Variants in MAGI2 observed in about 807,000 individuals in gnomAD.
MAGI2 encodes membrane-associated guanylate kinase, WW and PDZ domain-containing protein 2.
A neutral mutation model predicts 133.3 loss-of-function variants in MAGI2; 35 were observed. That is an observed-to-expected ratio of 0.26 (90% confidence interval 0.20 to 0.35). The LOEUF (loss-of-function observed/expected upper bound fraction) is 0.35. Ranked by LOEUF, MAGI2 falls within the 10% of genes least tolerant of loss-of-function variation. The pLI is 1.00. For missense variants in MAGI2, 1,636 were observed against 1,863.4 expected, an observed-to-expected ratio of 0.88 and a Z score of 2.25; for synonymous variants, 729 against 710.6, an observed-to-expected ratio of 1.03 and a Z score of -0.41.
intron 2 of MAGI2, among the ~76,000 whole-genome samples, chr7:78,698,373 G>C (rs1033907215): frequency 6.6e-6 from 1 of 152,098 alleles, no homozygotes. Context: ...TACAACAAAG[G>C]TCCACAACAC....
At chr7:78,283,943 G>A (rs1347249597) in intron 9 of MAGI2, among the ~76,000 whole-genome samples, 1 of 152,050 alleles carries the variant, frequency 6.6e-6, no homozygotes, top group African/African-American at 2.4e-5. Context: ...TACCTTTTCT[G>A]CATGTTAAAA....
chr7:78,685,250 C>T (rs997198819), intron 2 of MAGI2, among the ~76,000 whole-genome samples: 2 of 152,106 alleles, frequency 1.3e-5, no homozygotes, highest in African/African-American at 4.8e-5. Context: ...AGGCTGTCAC[C>T]CCAAGAGCTG....
chr7:79,449,358 T>TA (rs977528723), intron 1 of MAGI2, among the ~76,000 whole-genome samples: 232 of 151,812 alleles, frequency 1.5e-3, no homozygotes, highest in African/African-American at 5.3e-3. Context: ...TTAGAATTTT[T>TA]TTTTTTTTTT....
intron 15 of MAGI2, among the ~76,000 whole-genome samples, chr7:78,160,770 A>T (rs1824896034): frequency 6.6e-6 from 1 of 152,248 alleles, no homozygotes; most frequent in South Asian, 2.1e-4. Flanking sequence ...TTTCAAGGCT[A>T]CACTTCGAGA....
intron 2 of MAGI2, among the ~76,000 whole-genome samples, chr7:78,795,766 C>A (rs1787551398): frequency 6.6e-6 from 1 of 152,128 alleles, no homozygotes; most frequent in East Asian, 1.9e-4. Flanking sequence ...ATAACCAAAG[C>A]GGCATGGTAC....
intron 1 of MAGI2, among the ~76,000 whole-genome samples, chr7:79,289,998 A>G (rs1836338243): frequency 6.6e-6 from 1 of 152,026 alleles, no homozygotes; most frequent in Admixed American, 6.6e-5. Flanking sequence ...AAAGTGATCT[A>G]TTCTTCTCTA....
chr7:78,414,953 A>G (rs1234073163), intron 6 of MAGI2, among the ~76,000 whole-genome samples: 1 of 152,124 alleles, frequency 6.6e-6, no homozygotes, highest in African/African-American at 2.4e-5. Context: ...CAGTGATTCT[A>G]TTATCTAAAA....
At chr7:79,123,062 A>C (rs1022182334) in intron 1 of MAGI2, among the ~76,000 whole-genome samples, 1 of 152,156 alleles carries the variant, frequency 6.6e-6, no homozygotes, top group Non-Finnish European at 1.5e-5. Flanking sequence ...ACAACCACCA[A>C]CCAAACAAAA....
At chr7:79,018,436 C>T (rs2191728) in intron 1 of MAGI2, among the ~76,000 whole-genome samples, 89,129 of 151,972 alleles carry the variant, frequency 0.59, 26,479 homozygotes, top group East Asian at 0.63. Flanking sequence ...CCAACCACTA[C>T]AAAAGCACAT....
At chr7:79,151,536 C>T (rs938353717) in intron 1 of MAGI2, among the ~76,000 whole-genome samples, 5 of 152,140 alleles carry the variant, frequency 3.3e-5, no homozygotes, top group Non-Finnish European at 5.9e-5. Flanking sequence ...GAACTACTAT[C>T]ATTAAAATTA....
intron 1 of MAGI2, among the ~76,000 whole-genome samples, chr7:79,353,159 T>C (rs1343702531): frequency 1.3e-5 from 2 of 152,062 alleles, no homozygotes. Context: ...GCAACAAACA[T>C]AGTGGTCCTG....
rs145853359 is a variant in MAGI2 at position 78,311,084 on chromosome 7, A to G, written c.1408+32694T>C. 1.2e-4 allele frequency among the ~76,000 whole-genome samples: 18 copies of G among 152,336 alleles called. No homozygotes were observed. In the East Asian group the frequency reaches 2.9e-3, roughly 24 times the overall value. On this transcript the variant is annotated intron_variant, in intron 9 of 21. Coordinates refer to ENST00000354212, the MANE Select transcript of MAGI2 (RefSeq NM_012301.4). ...GATTTTTACCTCAACTAGTATATCAAATTTACTGATGAGAAACCAAAGAGC... is the reference window on the plus strand; with the variant it reads ...GATTTTTACCTCAACTAGTATATCAGATTTACTGATGAGAAACCAAAGAGC...
intron 9 of MAGI2, among the ~76,000 whole-genome samples, chr7:78,313,523 A>C (rs1798899960): frequency 6.6e-6 from 1 of 152,086 alleles, no homozygotes; most frequent in Admixed American, 6.6e-5. Context: ...TACCAACACA[A>C]AATATTAAAA....
intron 1 of MAGI2, among the ~76,000 whole-genome samples, chr7:79,153,962 C>T (rs1823521183): frequency 1.3e-5 from 2 of 152,148 alleles, no homozygotes; most frequent in South Asian, 4.2e-4. Flanking sequence ...AATTTATATG[C>T]CATCACTTGG....
chr7:79,393,931 T>C (rs967569232), intron 1 of MAGI2, among the ~76,000 whole-genome samples: 3 of 152,192 alleles, frequency 2.0e-5, no homozygotes, highest in East Asian at 1.9e-4. Flanking sequence ...TGGGTGTCTA[T>C]AGAGCTACTA....
intron 6 of MAGI2, among the ~76,000 whole-genome samples, chr7:78,377,796 G>A (rs1260672788): frequency 2.0e-5 from 3 of 149,244 alleles, no homozygotes; most frequent in South Asian, 4.3e-4. Flanking sequence ...AACTGTTATC[G>A]CTGGTCTAGG....
intron 1 of MAGI2, among the ~76,000 whole-genome samples, chr7:79,193,133 A>G (rs955693546): frequency 3.9e-5 from 6 of 151,976 alleles, no homozygotes; most frequent in Non-Finnish European, 8.8e-5. Context: ...GAATCCAGAT[A>G]GGACACACTT....
chr7:78,993,942 T>G (rs1806036373), intron 2 of MAGI2, among the ~76,000 whole-genome samples: 1 of 152,050 alleles, frequency 6.6e-6, no homozygotes, highest in Admixed American at 6.6e-5. Flanking sequence ...ATCCCAGATA[T>G]CACTCTGCAT....
chr7:78,035,010 G>A (rs1314157620), intron 21 of MAGI2: 2 of 152,398 alleles, frequency 1.3e-5, no homozygotes, highest in Non-Finnish European at 2.9e-5. Context: ...CAGGATGTGA[G>A]GTGTGGCGTG....
Sources: gnomAD v4.1 joint callset for allele counts (sites outside exome capture counted in the v4.1 genomes callset) on GRCh38, gnomAD v4.1.1 for gene constraint, MANE v1.5 for transcripts, NCBI Gene and HGNC (gene_info 2026-07-23, HGNC 2026-07-21) for gene names.